Variants in MED13L observed in about 807,000 individuals in gnomAD.
MED13L encodes the protein mediator of RNA polymerase II transcription subunit 13-like.
MED13L carries 7 observed loss-of-function variants against 220.9 expected under a neutral mutation model. The observed-to-expected ratio is 0.03, with a 90% confidence interval of 0.02 to 0.06. MED13L has a LOEUF of 0.06. MED13L is among the 10% of genes least tolerant of loss of function. MED13L has a pLI of 1.00. For missense variants in MED13L, 1,965 were observed against 2,760.5 expected (o/e 0.71, Z 6.46); for synonymous variants, 1,011 against 1,015.2 (o/e 1.00, Z 0.08).
intron 23 of MED13L, 163 bp downstream of exon 23, chr12:115,980,587 G>T (rs528097674): frequency 3.3e-4 from 252 of 760,932 alleles, no homozygotes; most frequent in Middle Eastern, 1.5e-3. Flanking sequence ...GCCTCCGAAA[G>T]TGCTAAGACT....
chr12:116,114,667 G>A (rs1005206534), intron 2 of MED13L, among the ~76,000 whole-genome samples: 5 of 152,070 alleles, frequency 3.3e-5, no homozygotes, highest in Admixed American at 6.6e-5. Flanking sequence ...AGAAATAATC[G>A]TCTCTATTTA....
rs147255483 is a variant in MED13L at position 116,235,552 on chromosome 12, T to A, written c.310+1916A>T. Among the ~76,000 whole-genome samples the A allele has an allele frequency of 2.4e-3, 359 of 152,288 alleles. 1 individual carries two copies. Among genetic ancestry groups the A allele is most frequent in the African/African-American group, 8.3e-3 (344 of 41,584 alleles). On this transcript the variant is annotated intron_variant, in intron 2 of 30. Coordinates refer to ENST00000281928, the MANE Select transcript of MED13L (RefSeq NM_015335.5). ...TGTTTTCCTAATTTTCTAACTTAAA[T>A]GTAGTGTTTCTGTAATTTTAAAAAT...
chr12:115,994,755 G>A (rs974333170), intron 16 of MED13L, among the ~76,000 whole-genome samples: 1 of 152,230 alleles, frequency 6.6e-6, no homozygotes, highest in South Asian at 2.1e-4. Flanking sequence ...TGTTCTAGGT[G>A]TGTTGTGCCA....
intron 2 of MED13L, among the ~76,000 whole-genome samples, chr12:116,227,626 A>G (rs1289846289): frequency 6.6e-6 from 1 of 152,164 alleles, no homozygotes; most frequent in African/African-American, 2.4e-5. Context: ...CCCATATAAA[A>G]CAGCAGACTG....
chr12:116,258,249 G>A (rs1030187538), intron 1 of MED13L, among the ~76,000 whole-genome samples: 3 of 152,134 alleles, frequency 2.0e-5, no homozygotes, highest in African/African-American at 7.2e-5. Context: ...TGTGACCTTG[G>A]ACAAGCTACT....
At chr12:116,084,366 G>A (rs1311845010) in intron 4 of MED13L, among the ~76,000 whole-genome samples, 2 of 152,174 alleles carry the variant, frequency 1.3e-5, no homozygotes, top group Non-Finnish European at 2.9e-5. Context: ...TATGCTCTCA[G>A]AGAAGGGGTA....
At chr12:116,045,479 A>G (rs919840024) in intron 4 of MED13L, among the ~76,000 whole-genome samples, 3 of 152,022 alleles carry the variant, frequency 2.0e-5, no homozygotes, top group Non-Finnish European at 4.4e-5. Context: ...ACTGCCTCTG[A>G]TTTGGTAGGA....
intron 2 of MED13L, among the ~76,000 whole-genome samples, chr12:116,220,990 T>C (rs560015237): frequency 1.3e-5 from 2 of 152,148 alleles, no homozygotes; most frequent in African/African-American, 2.4e-5. Flanking sequence ...ACAATCTCGA[T>C]GCGGTAAAAG....
intron 4 of MED13L, among the ~76,000 whole-genome samples, chr12:116,050,971 C>A (rs2137584837): frequency 6.6e-6 from 1 of 152,152 alleles, no homozygotes; most frequent in South Asian, 2.1e-4. Context: ...CAGAAATTTA[C>A]ATTCTTCAAA....
At chr12:116,099,289 T>C (rs952496478) in intron 3 of MED13L, among the ~76,000 whole-genome samples, 2 of 152,352 alleles carry the variant, frequency 1.3e-5, no homozygotes, top group South Asian at 2.1e-4. Flanking sequence ...AGTCCAAATG[T>C]ACCTTGTAAA....
chr12:116,250,406 A>G (rs1871433937), intron 1 of MED13L, among the ~76,000 whole-genome samples: 1 of 151,070 alleles, frequency 6.6e-6, no homozygotes, highest in South Asian at 2.1e-4. Context: ...CAAGATAGAA[A>G]CCTGGATCTA....
chr12:116,104,208 T>C (rs552306719), intron 3 of MED13L, among the ~76,000 whole-genome samples: 93 of 151,802 alleles, frequency 6.1e-4, no homozygotes, highest in African/African-American at 1.8e-3. Context: ...CAGAGTTTCA[T>C]CATGTTGGTC....
intron 30 of MED13L, among the ~76,000 whole-genome samples, chr12:115,961,887 C>T (rs1162780398): frequency 2.0e-5 from 3 of 151,904 alleles, no homozygotes; most frequent in Non-Finnish European, 4.4e-5. Flanking sequence ...AGGAGAATTG[C>T]TTGAACCTGT....
At chr12:116,144,590 A>C (rs531127403) in intron 2 of MED13L, among the ~76,000 whole-genome samples, 1 of 152,222 alleles carries the variant, frequency 6.6e-6, no homozygotes, top group African/African-American at 2.4e-5. Context: ...GACCTACTGT[A>C]GTTTTTACTA....
At chr12:116,022,393 T>A in intron 5 of MED13L, 63 bp downstream of exon 5, 1 of 1,595,668 alleles carries the variant, frequency 6.3e-7, no homozygotes, top group South Asian at 1.1e-5. Flanking sequence ...AAAACTTTAC[T>A]GGGCAAGATG....
At chr12:116,052,810 C>T (rs1485977569) in intron 4 of MED13L, among the ~76,000 whole-genome samples, 3 of 152,050 alleles carry the variant, frequency 2.0e-5, no homozygotes, top group Non-Finnish European at 4.4e-5. Flanking sequence ...AAGATGCTAA[C>T]CAGGTATGAA....
chr12:116,085,626 T>C (rs1275097162), intron 4 of MED13L, among the ~76,000 whole-genome samples: 5 of 152,102 alleles, frequency 3.3e-5, no homozygotes, highest in Admixed American at 2.6e-4. Context: ...AAGGTAAAAT[T>C]ATGATGTACA....
chr12:116,063,644 T>C (rs1244066305), intron 4 of MED13L, among the ~76,000 whole-genome samples: 1 of 152,228 alleles, frequency 6.6e-6, no homozygotes, highest in African/African-American at 2.4e-5. Context: ...TAAATGGTTA[T>C]TATAAGCCTT....
At chr12:116,240,298 T>C (rs534723782) in intron 1 of MED13L, among the ~76,000 whole-genome samples, 1 of 152,128 alleles carries the variant, frequency 6.6e-6, no homozygotes. Flanking sequence ...GGTTTCATCA[T>C]GCTGGCCAGG....
Sources: gnomAD v4.1 joint callset for allele counts (sites outside exome capture counted in the v4.1 genomes callset) on GRCh38, gnomAD v4.1.1 for gene constraint, MANE v1.5 for transcripts, NCBI Gene and HGNC (gene_info 2026-07-23, HGNC 2026-07-21) for gene names.